Variants in ULK2 observed in about 807,000 individuals in gnomAD.
ULK2 encodes serine/threonine-protein kinase ULK2.
A neutral mutation model predicts 127.5 loss-of-function variants in ULK2; 76 were observed. That is an observed-to-expected ratio of 0.60 (90% CI 0.50 to 0.72). The LOEUF (loss-of-function observed/expected upper bound fraction) is 0.72. ULK2 is among the 30% of genes least tolerant of loss of function. The pLI, the probability that ULK2 is intolerant of heterozygous loss-of-function variation, is 0.00. For missense variants in ULK2, 1,144 were observed against 1,295.9 expected, an observed-to-expected ratio of 0.88 and a Z score of 1.80; for synonymous variants, 452 against 461.9, an observed-to-expected ratio of 0.98 and a Z score of 0.28.
In ULK2 at chr17:19,843,277, G is replaced by A. The variant is rs570711369; in HGVS notation, c.544-55C>T. ...CGTACGTTATTTACATAATTAATATGCACATATTAATTAACTGGTAAAGGT... is the reference window on the plus strand; with the variant it reads ...CGTACGTTATTTACATAATTAATATACACATATTAATTAACTGGTAAAGGT... On this transcript the variant is annotated intron_variant, in intron 7 of 26. Transcript: ENST00000395544. 2.6e-6 allele frequency: 3 copies of A among 1,173,750 alleles called. No individual in the cohort carries two copies. In the South Asian group the frequency reaches 4.9e-5, roughly 19 times the overall value. The allele number at this position is 1,173,750 out of a possible 1,614,324, so 72.7% of individuals were successfully genotyped here. A position where few individuals can be genotyped will look rare whatever the true frequency, so the allele number is the denominator to read the frequency against.
At chr17:19,828,545 T>C (rs2041351926) in intron 10 of ULK2, among the ~76,000 whole-genome samples, 1 of 152,206 alleles carries the variant, frequency 6.6e-6, no homozygotes, top group South Asian at 2.1e-4. Flanking sequence ...TAACTTTAGA[T>C]GTTATATGTA....
rs1020481555 is a variant in ULK2 at position 19,775,833 on chromosome 17, C to T, written c.*516G>A. ...AAGATTTCAAAATTTCTTCCAAGAT[C>T]CATGTTTCACTTCTTCTTAAGCTAT... is the stretch of plus-strand genomic sequence containing the variant. On this transcript the variant is annotated 3_prime_UTR_variant, in exon 27 of 27. Coordinates refer to ENST00000395544, the MANE Select transcript of ULK2 (RefSeq NM_014683.4). 1.3e-5 allele frequency: 2 copies of T among 152,736 alleles called. No homozygotes were observed. The highest frequency in any genetic ancestry group is 4.8e-5 in the African/African-American group (2 of 41,456). The allele number at this position is 152,736 out of a possible 1,614,324, so 9.5% of individuals were successfully genotyped here.
intron 26 of ULK2, among the ~76,000 whole-genome samples, 194 bp downstream of exon 26, chr17:19,777,387 G>C (rs2042293403): frequency 6.6e-6 from 1 of 152,228 alleles, no homozygotes; most frequent in African/African-American, 2.4e-5. Flanking sequence ...TTACAGGCGT[G>C]AGACACTGTG....
intron 20 of ULK2, among the ~76,000 whole-genome samples, chr17:19,786,624 G>C (rs2087037667): frequency 6.6e-6 from 1 of 151,662 alleles, no homozygotes; most frequent in Non-Finnish European, 1.5e-5. Flanking sequence ...TGAGTCAGGA[G>C]AATCTCTTGA....
chr17:19,791,440 T>G (rs2087150292), intron 20 of ULK2, among the ~76,000 whole-genome samples: 1 of 152,198 alleles, frequency 6.6e-6, no homozygotes, highest in East Asian at 1.9e-4. Context: ...ATCCCAGGAC[T>G]CTAGGAGGCC....
intron 10 of ULK2, among the ~76,000 whole-genome samples, chr17:19,837,529 G>A (rs148312271): frequency 2.6e-4 from 40 of 152,300 alleles, no homozygotes; most frequent in African/African-American, 9.4e-4. Flanking sequence ...TCGACACTTA[G>A]ATATCCAATG....
At position 19,775,350 on chromosome 17, in the gene ULK2, A is replaced by C. The variant is rs1343180433; in HGVS notation, c.*999T>G. On this transcript the variant is annotated 3_prime_UTR_variant, in exon 27 of 27. Transcript: ENST00000395544. Reference sequence around the variant, plus strand: ...TCACTGCATGTAGGAACTCCACATCACTAACAAGCCTTTAGGTCACCAACT... The same window carrying C: ...TCACTGCATGTAGGAACTCCACATCCCTAACAAGCCTTTAGGTCACCAACT... The C allele has an allele frequency of 6.6e-6, 1 of 152,588 alleles. No homozygotes were observed. The highest frequency in any genetic ancestry group is 1.5e-5 in the Non-Finnish European group (1 of 68,042). 9.5% of individuals were successfully genotyped at this position (152,588 alleles called of 1,614,324 possible).
chr17:19,834,926 AG>A (rs2041554552), intron 10 of ULK2, among the ~76,000 whole-genome samples: 1 of 150,936 alleles, frequency 6.6e-6, no homozygotes, highest in Admixed American at 6.6e-5. Flanking sequence ...AAAAAAAAAG[AG>A]AAACACACAA....
intron 3 of ULK2, among the ~76,000 whole-genome samples, chr17:19,861,271 G>A (rs150005077): frequency 1.3e-5 from 2 of 152,250 alleles, no homozygotes; most frequent in Non-Finnish European, 2.9e-5. Flanking sequence ...GCAAGGCCGG[G>A]CGCGGTGGCT....
intron 13 of ULK2, chr17:19,810,795 C>T (rs991043816): frequency 1.7e-5 from 3 of 179,782 alleles, no homozygotes; most frequent in Non-Finnish European, 3.4e-5. Context: ...AGAGTTGTGC[C>T]CTTTAATACT....
intron 6 of ULK2, 70 bp from the exon 7 acceptor site, chr17:19,845,447 T>A: frequency 8.5e-7 from 1 of 1,176,486 alleles, no homozygotes; most frequent in Non-Finnish European, 1.3e-6. Flanking sequence ...ATCATATGAT[T>A]CTTCGAGACA....
chr17:19,826,004 AT>A (rs960357099), intron 11 of ULK2, 134 bp downstream of exon 11: 1 of 229,542 alleles, frequency 4.4e-6, no homozygotes, highest in Non-Finnish European at 8.9e-6. Context: ...AAAAAAAAAA[AT>A]AAATAAATAA....
At chr17:19,846,959 C>A (rs2041898572) in intron 5 of ULK2, 49 bp from the exon 6 acceptor site, 2 of 1,527,690 alleles carry the variant, frequency 1.3e-6, no homozygotes, top group Non-Finnish European at 1.8e-6. Context: ...AAATCAAATA[C>A]CATCTGCATA....
chr17:19,864,837 T>C lies in ULK2; in HGVS notation c.191A>G (p.Gln64Arg), dbSNP rs868823012. Residue 64 changes from glutamine to arginine, a missense_variant, in exon 3 of 27, where the codon CAG becomes CGG. Around this residue, in one of 2 missense-constraint regions of ULK2, gnomAD observed 231 missense variants for 325.4 expected, o/e 0.71. Coordinates refer to ENST00000395544, the MANE Select transcript of ULK2 (RefSeq NM_014683.4). ...ATAGAGTGCTACAATATTTTCATGC[T>C]GAAGTTCCTATTAAGAAAATTGAGA... ...GKEIKILKEL[Q>R]HENIVALYDV... The C allele has an allele frequency of 7.6e-7, 1 of 1,323,764 alleles. No individual in the cohort carries two copies. 82.0% of individuals were successfully genotyped at this position (1,323,764 alleles called of 1,614,324 possible).
At chr17:19,844,603 CAA>C (rs1462818571) in intron 7 of ULK2, among the ~76,000 whole-genome samples, 3 of 151,798 alleles carry the variant, frequency 2.0e-5, no homozygotes, top group African/African-American at 4.8e-5. Flanking sequence ...AAATTATGAT[CAA>C]GACTATAAAT....
At chr17:19,832,896 G>A (rs1372453148) in intron 10 of ULK2, among the ~76,000 whole-genome samples, 1 of 152,154 alleles carries the variant, frequency 6.6e-6, no homozygotes, top group Non-Finnish European at 1.5e-5. Flanking sequence ...GCCGAGGCAG[G>A]TGGATCACTT....
intron 14 of ULK2, among the ~76,000 whole-genome samples, chr17:19,805,511 A>T (rs2087496147): frequency 6.6e-6 from 1 of 152,216 alleles, no homozygotes; most frequent in African/African-American, 2.4e-5. Context: ...AGAAATACAA[A>T]ACACTTTTGT....
In ULK2 at chr17:19,816,869, A is replaced by G. The variant is rs942157188; in HGVS notation, c.976T>C (p.Leu326=). Residue 326 remains leucine (L), a synonymous_variant, in exon 13 of 27, where the codon TTG becomes CTG. Transcript: ENST00000395544. ...IQEENLSSPP[L]GPPNYLQVSK... is the part of the protein sequence containing the mutation. ...ACTTGTAGATAGTTGGGAGGACCCAATGGTGGGGAAGATAAGTTTTCTTCC... is the reference window on the plus strand; with the variant it reads ...ACTTGTAGATAGTTGGGAGGACCCAGTGGTGGGGAAGATAAGTTTTCTTCC... 1.9e-6 allele frequency: 3 copies of G among 1,611,136 alleles called. No individual in the cohort carries two copies. Among genetic ancestry groups the G allele is most frequent in the East Asian group, 2.2e-5 (1 of 44,770 alleles).
At chr17:19,844,460 T>C (rs2041833828) in intron 7 of ULK2, among the ~76,000 whole-genome samples, 1 of 152,134 alleles carries the variant, frequency 6.6e-6, no homozygotes, top group Non-Finnish European at 1.5e-5. Context: ...CCCTAGTAAA[T>C]TTCTTATTAA....
Sources: gnomAD v4.1 joint callset for allele counts (sites outside exome capture counted in the v4.1 genomes callset) on GRCh38, gnomAD v4.1.1 for gene constraint, gnomAD v4.1.1 regional missense constraint, MANE v1.5 for transcripts, NCBI Gene and HGNC (gene_info 2026-07-23, HGNC 2026-07-21) for gene names.